ADAM12: variants seen among roughly 807,000 people sequenced by gnomAD.
The protein encoded by ADAM12 is ADAM metallopeptidase domain 12, also known as disintegrin and metalloproteinase domain-containing protein 12.
A neutral mutation model predicts 106.4 loss-of-function variants in ADAM12; 70 were observed. That is an observed-to-expected ratio of 0.66 (90% CI 0.54 to 0.80). The LOEUF (loss-of-function observed/expected upper bound fraction) is 0.80, where lower values mean the gene tolerates loss of function less well. Among genes scored for constraint, ADAM12 ranks in the 30% least tolerant of loss-of-function variants. The probability of loss-of-function intolerance (pLI) is 0.00; values close to 1 mark genes in which losing one functional copy is unlikely to be tolerated. For synonymous variants in ADAM12, 420 were observed against 433.5 expected (o/e 0.97, Z 0.39); for missense variants, 1,010 against 1,171.9 (o/e 0.86, Z 2.02).
intron 3 of ADAM12, among the ~76,000 whole-genome samples, chr10:126,222,296 C>T (rs1012572978): frequency 6.6e-6 from 1 of 151,972 alleles, no homozygotes; most frequent in Non-Finnish European, 1.5e-5. Context: ...CAGGGCAATT[C>T]GCCTTTGAGG....
chr10:126,282,244 C>T (rs1008710631), intron 2 of ADAM12, among the ~76,000 whole-genome samples: 2 of 152,094 alleles, frequency 1.3e-5, no homozygotes, highest in African/African-American at 4.8e-5. Flanking sequence ...AGATTAGGGG[C>T]CACACATATG....
intron 3 of ADAM12, among the ~76,000 whole-genome samples, chr10:126,182,604 G>C (rs755781748): frequency 9.2e-5 from 14 of 152,336 alleles, no homozygotes; most frequent in African/African-American, 2.9e-4. Context: ...ACATGAGAGA[G>C]AGAGAGAGCC....
intron 2 of ADAM12, among the ~76,000 whole-genome samples, chr10:126,282,638 T>C (rs1020771669): frequency 1.3e-5 from 2 of 152,256 alleles, no homozygotes; most frequent in Non-Finnish European, 2.9e-5. Flanking sequence ...TATGGTTGTA[T>C]ACAGCTGTAG....
At chr10:126,262,504 A>G (rs1241879964) in intron 3 of ADAM12, among the ~76,000 whole-genome samples, 1 of 152,220 alleles carries the variant, frequency 6.6e-6, no homozygotes, top group African/African-American at 2.4e-5. Flanking sequence ...ATGTGTTCAA[A>G]AAGAGCAGTA....
At position 126,169,819 on chromosome 10, in the gene ADAM12, C is replaced by T. The variant is rs113412256; in HGVS notation, c.261-14514G>A. ...TTATTTGGAACCATTGAACCAAATACCTTTGACTCCTTGGACACACAGCTT... is the reference window on the plus strand; with the variant it reads ...TTATTTGGAACCATTGAACCAAATATCTTTGACTCCTTGGACACACAGCTT... On this transcript the variant is annotated intron_variant, in intron 3 of 22. Coordinates refer to ENST00000448723, the MANE Select transcript of ADAM12 (RefSeq NM_001288973.2). Among the ~76,000 whole-genome samples, 1,371 of 152,274 alleles carry T rather than the reference C, an allele frequency of 9.0e-3. 13 individuals carry two copies. Among genetic ancestry groups the T allele is most frequent in the Middle Eastern group, 0.037 (11 of 294 alleles).
At chr10:126,239,120 G>T (rs1373802156) in intron 3 of ADAM12, among the ~76,000 whole-genome samples, 4 of 152,180 alleles carry the variant, frequency 2.6e-5, no homozygotes, top group African/African-American at 9.7e-5. Flanking sequence ...TGCAGTAAGG[G>T]AGAACCACTT....
chr10:126,270,400 T>C (rs2133733939), intron 3 of ADAM12, among the ~76,000 whole-genome samples: 1 of 152,344 alleles, frequency 6.6e-6, no homozygotes, highest in South Asian at 2.1e-4. Context: ...GGAATTTCCC[T>C]GCTAGCCCCA....
intron 2 of ADAM12, among the ~76,000 whole-genome samples, chr10:126,319,729 C>T (rs542949013): frequency 6.6e-6 from 1 of 152,148 alleles, no homozygotes; most frequent in South Asian, 2.1e-4. Flanking sequence ...CTGATAAGGG[C>T]TTGTTAATTG....
chr10:126,101,097 A>G lies in ADAM12; in HGVS notation c.886T>C (p.Ser296Pro), dbSNP rs1746943129. The change falls in exon 9 of 23, where the codon TCC becomes CCC. Residue 296 changes from serine (S) to proline (P), a missense_variant. Ser to Pro is a moderately conservative substitution (Grantham distance 74). This residue lies in a region of ADAM12 where 391 missense variants were observed against 442.9 expected (regional missense o/e 0.88). Transcript: ENST00000448723. ...WRKMKLLPRK[S>P]HDNAQLVSGV... ...CTGACAAGCTGCGCATTGTCATGGG[A>G]TTTGCGAGGTAGAAGCTTCATCTTC... 8 of 1,613,532 alleles carry G rather than the reference A, an allele frequency of 5.0e-6. No homozygotes were observed. Among genetic ancestry groups the G allele is most frequent in the African/African-American group, 1.3e-5 (1 of 74,752 alleles).
intron 14 of ADAM12, among the ~76,000 whole-genome samples, chr10:126,059,980 AC>A (rs1954717669): frequency 2.2e-5 from 2 of 89,386 alleles, no homozygotes; most frequent in Non-Finnish European, 4.1e-5. Flanking sequence ...AACGCCAACC[AC>A]ACAGTTTGAA....
At chr10:126,067,073 T>C (rs1278281) in intron 12 of ADAM12, 113,434 of 432,292 alleles carry the variant, frequency 0.26, 15,624 homozygotes, top group Middle Eastern at 0.39. Flanking sequence ...GCTGGCCGGC[T>C]GGGGACATCA....
At chr10:126,079,620 A>G (rs1955173830) in intron 11 of ADAM12, among the ~76,000 whole-genome samples, 1 of 152,210 alleles carries the variant, frequency 6.6e-6, no homozygotes, top group African/African-American at 2.4e-5. Flanking sequence ...AGAGACTGGA[A>G]ACAACTTCCC....
At chr10:126,092,896 G>A (rs530466097) in intron 11 of ADAM12, among the ~76,000 whole-genome samples, 22 of 152,304 alleles carry the variant, frequency 1.4e-4, no homozygotes, top group Admixed American at 9.8e-4. Context: ...TATTTCCCAG[G>A]AGGCCCACAA....
intron 21 of ADAM12, among the ~76,000 whole-genome samples, chr10:126,023,630 A>C (rs1288345799): frequency 6.6e-6 from 1 of 152,212 alleles, no homozygotes; most frequent in Non-Finnish European, 1.5e-5. Context: ...CTAGAAGTAA[A>C]TACATACTAT....
At chr10:126,275,822 T>C (rs1321104615) in intron 3 of ADAM12, among the ~76,000 whole-genome samples, 2 of 152,178 alleles carry the variant, frequency 1.3e-5, no homozygotes, top group Non-Finnish European at 2.9e-5. Flanking sequence ...AAAGAAAATG[T>C]TTTTTCCTAA....
At chr10:126,142,815 G>A (rs1956538177) in intron 4 of ADAM12, among the ~76,000 whole-genome samples, 1 of 152,166 alleles carries the variant, frequency 6.6e-6, no homozygotes, top group South Asian at 2.1e-4. Flanking sequence ...GGGTCCAAAG[G>A]TGGGTGAGCG....
intron 3 of ADAM12, among the ~76,000 whole-genome samples, chr10:126,255,547 C>A (rs1403140313): frequency 6.6e-6 from 1 of 152,196 alleles, no homozygotes; most frequent in East Asian, 1.9e-4. Context: ...TTGTAAAAAG[C>A]AAACAGCAAA....
intron 3 of ADAM12, among the ~76,000 whole-genome samples, chr10:126,159,329 A>AAAG (rs1956893326): frequency 6.8e-6 from 1 of 147,422 alleles, no homozygotes; most frequent in African/African-American, 2.5e-5. Flanking sequence ...AAAAAAAAAA[A>AAAG]AAGGAGCACA....
chr10:126,315,186 G>T (rs1564727922), intron 2 of ADAM12, among the ~76,000 whole-genome samples: 1 of 152,178 alleles, frequency 6.6e-6, no homozygotes, highest in Non-Finnish European at 1.5e-5. Flanking sequence ...GGCAGTTGTA[G>T]CTAGTCAGCT....
Sources: gnomAD v4.1 joint callset for allele counts (sites outside exome capture counted in the v4.1 genomes callset) on GRCh38, gnomAD v4.1.1 for gene constraint, gnomAD v4.1.1 regional missense constraint, MANE v1.5 for transcripts, NCBI Gene and HGNC (gene_info 2026-07-23, HGNC 2026-07-21) for gene names.